Variants in GSAP observed in about 807,000 individuals in gnomAD.
GSAP encodes gamma-secretase-activating protein.
GSAP carries 118 observed loss-of-function variants against 131.7 expected under a neutral mutation model. That is an observed-to-expected ratio of 0.90 (90% CI 0.77 to 1.04). The LOEUF (loss-of-function observed/expected upper bound fraction) is 1.04. Ranked by LOEUF, GSAP falls within the 50% of genes least tolerant of loss-of-function variation. GSAP has a pLI of 0.00. For missense variants in GSAP, 1,019 were observed against 1,013.2 expected (o/e 1.01, Z -0.08); for synonymous variants, 381 against 363.4 (o/e 1.05, Z -0.55).
intron 12 of GSAP, among the ~76,000 whole-genome samples, chr7:77,369,902 G>A (rs1057278205): frequency 6.6e-6 from 1 of 151,328 alleles, no homozygotes; most frequent in Non-Finnish European, 1.5e-5. Context: ...TTTGAAACAC[G>A]TTTTTTTATT....
intron 5 of GSAP, among the ~76,000 whole-genome samples, chr7:77,393,596 A>G (rs1799906001): frequency 6.6e-6 from 1 of 151,820 alleles, no homozygotes; most frequent in African/African-American, 2.4e-5. Flanking sequence ...AAAGTGAGTC[A>G]CGCTTGACTT....
chr7:77,375,369 A>G (rs189865188), intron 10 of GSAP, among the ~76,000 whole-genome samples: 57 of 152,330 alleles, frequency 3.7e-4, no homozygotes, highest in Middle Eastern at 6.8e-3. Context: ...TTAGATTTGA[A>G]TATCAAAAAC....
chr7:77,319,141 G>A (rs1202473118), intron 26 of GSAP, among the ~76,000 whole-genome samples: 1 of 152,062 alleles, frequency 6.6e-6, no homozygotes, highest in Non-Finnish European at 1.5e-5. Context: ...AAAAGTGTTT[G>A]CAAACCATAT....
At chr7:77,362,820 A>G (rs1017330820) in intron 12 of GSAP, among the ~76,000 whole-genome samples, 160 bp from the exon 13 acceptor site, 2 of 152,236 alleles carry the variant, frequency 1.3e-5, no homozygotes, top group Non-Finnish European at 2.9e-5. Context: ...ACAAGTTGCT[A>G]AGAAATTTCA....
At chr7:77,326,561 T>C in intron 22 of GSAP, 1 of 262,722 alleles carries the variant, frequency 3.8e-6, no homozygotes. Context: ...GAACCTCTGC[T>C]CCACTGGAAA....
chr7:77,408,068 T>G (rs575219362), intron 1 of GSAP, among the ~76,000 whole-genome samples: 2 of 152,346 alleles, frequency 1.3e-5, no homozygotes, highest in South Asian at 4.1e-4. Flanking sequence ...GATAAGTGAC[T>G]GTTAGAAAGG....
intron 19 of GSAP, among the ~76,000 whole-genome samples, chr7:77,347,460 A>G (rs1471820585): frequency 6.6e-6 from 1 of 152,150 alleles, no homozygotes; most frequent in Admixed American, 6.5e-5. Context: ...TGCTTGGTAC[A>G]TGAAGAATTC....
chr7:77,335,965 T>C (rs551456227), intron 19 of GSAP, among the ~76,000 whole-genome samples: 1 of 152,344 alleles, frequency 6.6e-6, no homozygotes, highest in Admixed American at 6.5e-5. Context: ...TACATAAAGC[T>C]AGGAAGGCAC....
chr7:77,413,385 C>A (rs1803653112), intron 1 of GSAP, among the ~76,000 whole-genome samples: 2 of 152,208 alleles, frequency 1.3e-5, no homozygotes, highest in South Asian at 4.1e-4. Context: ...GGCAGGCAAT[C>A]CCTGAAGGGG....
intron 3 of GSAP, among the ~76,000 whole-genome samples, chr7:77,400,181 G>A (rs933599844): frequency 2.6e-5 from 4 of 152,162 alleles, no homozygotes; most frequent in African/African-American, 9.7e-5. Flanking sequence ...TCTGCGAGAA[G>A]AGTATCAAAG....
intron 15 of GSAP, 53 bp from the exon 16 acceptor site, chr7:77,355,483 C>G (rs942598126): frequency 1.3e-6 from 2 of 1,513,324 alleles, no homozygotes; most frequent in East Asian, 4.5e-5. Flanking sequence ...ACTCCTTTCA[C>G]CCAAACATAG....
At chr7:77,330,094 T>C (rs1010116565) in intron 20 of GSAP, 145 bp downstream of exon 20, 12 of 954,244 alleles carry the variant, frequency 1.3e-5, no homozygotes, top group African/African-American at 5.0e-5. Flanking sequence ...TCTCTGCCCA[T>C]TGAGATCAGT....
intron 1 of GSAP, among the ~76,000 whole-genome samples, chr7:77,412,679 A>G (rs564810364): frequency 2.8e-4 from 42 of 152,140 alleles, no homozygotes; most frequent in African/African-American, 9.9e-4. Context: ...AAAAGGATGA[A>G]TAGACATTTC....
chr7:77,373,163 T>G lies in GSAP; in HGVS notation c.871+907A>C, dbSNP rs140216070. ...TCTTCTATTAAACCTCCATAAGTTT[T>G]CATGAATTCCTATAATGCTCATTCA... On this transcript the variant is annotated intron_variant, in intron 12 of 30. Coordinates refer to ENST00000257626, the MANE Select transcript of GSAP (RefSeq NM_017439.4). Among the ~76,000 whole-genome samples the G allele has an allele frequency of 4.0e-3, 605 of 152,322 alleles. 5 individuals carry two copies. The highest frequency in any genetic ancestry group is 4.5e-3 in the Non-Finnish European group (304 of 68,020).
At chr7:77,392,081 C>T (rs779400274) in intron 5 of GSAP, among the ~76,000 whole-genome samples, 12 of 151,914 alleles carry the variant, frequency 7.9e-5, no homozygotes, top group East Asian at 1.9e-4. Context: ...AAAAATTAGC[C>T]GGAAGTGGTG....
chr7:77,384,042 G>T (rs941560229), intron 6 of GSAP, among the ~76,000 whole-genome samples: 2 of 152,160 alleles, frequency 1.3e-5, no homozygotes, highest in African/African-American at 4.8e-5. Context: ...AAATAATACA[G>T]AACTAATTGT....
intron 26 of GSAP, among the ~76,000 whole-genome samples, chr7:77,316,477 C>T (rs1365746487): frequency 6.6e-6 from 1 of 152,156 alleles, no homozygotes; most frequent in Non-Finnish European, 1.5e-5. Flanking sequence ...AATGGGCTAA[C>T]AGGATGAGTC....
chr7:77,320,300 CCTATTTAAA>C (rs1466267305), intron 26 of GSAP, among the ~76,000 whole-genome samples: 1 of 152,082 alleles, frequency 6.6e-6, no homozygotes, highest in Admixed American at 6.5e-5. Flanking sequence ...CTGACTTGAT[CCTATTTAAA>C]AATTCCAAGG....
At chr7:77,399,873 G>C (rs1045637042) in intron 3 of GSAP, among the ~76,000 whole-genome samples, 3 of 152,120 alleles carry the variant, frequency 2.0e-5, no homozygotes, top group Non-Finnish European at 4.4e-5. Flanking sequence ...TGACATACTG[G>C]TGAGTTCCCT....
Sources: allele counts gnomAD v4.1 joint callset (sites outside exome capture counted in the v4.1 genomes callset), GRCh38; gene constraint gnomAD v4.1.1; transcripts MANE v1.5; gene names NCBI Gene and HGNC (gene_info 2026-07-23, HGNC 2026-07-21).